The following ARID5B variants were observed in gnomAD, a reference collection of about 807,000 sequenced individuals.
ARID5B encodes AT-rich interactive domain-containing protein 5B.
ARID5B carries 13 observed loss-of-function variants against 97.2 expected under a neutral mutation model. The ratio of observed to expected loss-of-function variants is 0.13; its 90% CI spans 0.09 to 0.21. ARID5B has a LOEUF of 0.21. Ranked by LOEUF, ARID5B falls within the 10% of genes least tolerant of loss-of-function variation. ARID5B has a pLI of 1.00. For synonymous variants in ARID5B, 556 were observed against 570.3 expected (o/e 0.97, Z 0.36); for missense variants, 1,210 against 1,465.3 (o/e 0.83, Z 2.84).
intron 4 of ARID5B, among the ~76,000 whole-genome samples, chr10:62,038,808 GTCCCACCGCA>G (rs1328719764): frequency 6.6e-6 from 1 of 151,984 alleles, no homozygotes; most frequent in Non-Finnish European, 1.5e-5. Flanking sequence ...TTTTTTGGTC[GTCCCACCGCA>G]TCCCATCGAC....
intron 3 of ARID5B, among the ~76,000 whole-genome samples, chr10:61,968,821 G>T (rs569413693): frequency 1.7e-3 from 263 of 152,126 alleles, no homozygotes; most frequent in Admixed American, 3.3e-3. Context: ...CCTGCTTTTT[G>T]CCCAGGACCT....
chr10:61,949,426 C>T (rs1327264485), intron 3 of ARID5B, among the ~76,000 whole-genome samples: 3 of 152,150 alleles, frequency 2.0e-5, no homozygotes, highest in Non-Finnish European at 4.4e-5. Context: ...CACTTGAGGT[C>T]AGGAGTTTGA....
At chr10:62,045,886 G>C (rs1032182462) in intron 4 of ARID5B, among the ~76,000 whole-genome samples, 1 of 152,152 alleles carries the variant, frequency 6.6e-6, no homozygotes, top group Non-Finnish European at 1.5e-5. Flanking sequence ...TTTCTGGCTC[G>C]TGTTTAAAAG....
chr10:61,993,852 G>A (rs558665129), intron 3 of ARID5B, among the ~76,000 whole-genome samples: 1 of 152,272 alleles, frequency 6.6e-6, no homozygotes, highest in African/African-American at 2.4e-5. Flanking sequence ...AATGTCTAAT[G>A]TAATAAAGTA....
At chr10:62,051,038 T>C (rs796285738) in intron 5 of ARID5B, 38 bp downstream of exon 5, 2 of 1,555,434 alleles carry the variant, frequency 1.3e-6, no homozygotes, top group African/African-American at 2.7e-5. Flanking sequence ...TTTCGTTGCA[T>C]CTTTTTATTT....
At chr10:62,036,670 T>C (rs1373879559) in intron 4 of ARID5B, among the ~76,000 whole-genome samples, 1 of 152,182 alleles carries the variant, frequency 6.6e-6, no homozygotes, top group Non-Finnish European at 1.5e-5. Flanking sequence ...TTCAGTAACA[T>C]GGTCTTGGGA....
intron 8 of ARID5B, among the ~76,000 whole-genome samples, chr10:62,075,201 C>T (rs1045104939): frequency 6.6e-6 from 1 of 152,228 alleles, no homozygotes; most frequent in South Asian, 2.1e-4. Context: ...GGGACCAGCC[C>T]ACACTGTTGC....
At chr10:62,015,060 G>A (rs1018913304) in intron 4 of ARID5B, among the ~76,000 whole-genome samples, 2 of 152,160 alleles carry the variant, frequency 1.3e-5, no homozygotes, top group Admixed American at 6.5e-5. Context: ...TTTAATTCAT[G>A]AAAATATGAA....
intron 2 of ARID5B, among the ~76,000 whole-genome samples, chr10:61,915,305 T>C (rs897118272): frequency 6.6e-6 from 1 of 152,186 alleles, no homozygotes; most frequent in Non-Finnish European, 1.5e-5. Flanking sequence ...GGACCACGCA[T>C]AGTATATAAA....
Position 62,093,623 on chromosome 10 carries a change from G to A in ARID5B, c.*593G>A, listed in dbSNP as rs1840418922. Reference sequence around the variant, plus strand: ...TGCTCACCTAATTTATATACAGGTAGTTCCATTTTCTCCCAGTTCCTTCTC... The same window carrying A: ...TGCTCACCTAATTTATATACAGGTAATTCCATTTTCTCCCAGTTCCTTCTC... On this transcript the variant is annotated 3_prime_UTR_variant, in exon 10 of 10. Transcript: ENST00000279873. The A allele has an allele frequency of 6.0e-6, 1 of 166,064 alleles. No homozygotes were observed. Among genetic ancestry groups the A allele is most frequent in the African/African-American group, 2.8e-5 (1 of 36,258 alleles). The allele number at this position is 166,064 out of a possible 1,614,324, so 10.3% of individuals were successfully genotyped here. A position where few individuals can be genotyped will look rare whatever the true frequency, so the allele number is the denominator to read the frequency against.
At chr10:62,015,968 G>A (rs1935677049) in intron 4 of ARID5B, among the ~76,000 whole-genome samples, 1 of 152,170 alleles carries the variant, frequency 6.6e-6, no homozygotes, top group African/African-American at 2.4e-5. Flanking sequence ...GCCTTATCTG[G>A]CATATGTGGA....
At chr10:61,936,925 A>G (rs1342963030) in intron 2 of ARID5B, among the ~76,000 whole-genome samples, 2 of 152,142 alleles carry the variant, frequency 1.3e-5, no homozygotes, top group African/African-American at 4.8e-5. Flanking sequence ...TTCCACAGCA[A>G]GTAAATTCCG....
chr10:61,910,928 T>A (rs1843793077), intron 2 of ARID5B, among the ~76,000 whole-genome samples: 2 of 152,296 alleles, frequency 1.3e-5, no homozygotes, highest in South Asian at 2.1e-4. Flanking sequence ...AGGTTCACAG[T>A]CACATCTCCA....
Position 61,980,135 on chromosome 10 carries a change from T to A in ARID5B, c.503-19956T>A, listed in dbSNP as rs910737133. Among the ~76,000 whole-genome samples the A allele has an allele frequency of 7.2e-5, 11 of 152,152 alleles. No homozygotes were observed. In the South Asian group the frequency reaches 8.3e-4, roughly 11 times the overall value. On this transcript the variant is annotated intron_variant, in intron 3 of 9. Transcript: ENST00000279873. ...AAAATATGTTTTAATACATTATTTATATATTTATCTGTGTACCAATGTAGT... is the reference window on the plus strand; with the variant it reads ...AAAATATGTTTTAATACATTATTTAAATATTTATCTGTGTACCAATGTAGT...
chr10:62,004,423 A>G (rs1839120735), intron 4 of ARID5B, among the ~76,000 whole-genome samples: 1 of 152,240 alleles, frequency 6.6e-6, no homozygotes, highest in African/African-American at 2.4e-5. Flanking sequence ...CCATTAAAGC[A>G]TTATGAAAAC....
chr10:61,919,828 C>T (rs1294122485), intron 2 of ARID5B, among the ~76,000 whole-genome samples: 1 of 151,926 alleles, frequency 6.6e-6, no homozygotes, highest in Non-Finnish European at 1.5e-5. Flanking sequence ...AGAAAGAGGG[C>T]TCTAGTAAAA....
chr10:61,972,626 T>C (rs1838645078), intron 3 of ARID5B, among the ~76,000 whole-genome samples: 2 of 152,248 alleles, frequency 1.3e-5, no homozygotes, highest in Admixed American at 6.5e-5. Flanking sequence ...TATTCTATTA[T>C]GGAAGTGCCA....
intron 3 of ARID5B, among the ~76,000 whole-genome samples, chr10:61,970,887 T>C (rs34976581): frequency 0.065 from 9,941 of 152,206 alleles, 407 homozygotes; most frequent in South Asian, 0.12. Context: ...AACAATGGAT[T>C]CCTCAACAAA....
intron 4 of ARID5B, among the ~76,000 whole-genome samples, chr10:62,006,211 G>T (rs367944138): frequency 3.7e-4 from 56 of 152,288 alleles, no homozygotes; most frequent in African/African-American, 1.3e-3. Context: ...GGAGACTGAG[G>T]CAGGTGGATC....
Sources: gnomAD v4.1 joint callset for allele counts (sites outside exome capture counted in the v4.1 genomes callset) on GRCh38, gnomAD v4.1.1 for gene constraint, MANE v1.5 for transcripts, NCBI Gene and HGNC (gene_info 2026-07-23, HGNC 2026-07-21) for gene names.